Variants in GPC6 observed in about 807,000 individuals in gnomAD.
GPC6 encodes the protein glypican-6.
GPC6 carries 14 observed loss-of-function variants against 55.2 expected under a neutral mutation model. The ratio of observed to expected loss-of-function variants is 0.25; its 90% CI spans 0.17 to 0.40. GPC6 has a LOEUF of 0.40. GPC6 is among the 10% of genes least tolerant of loss of function. The probability of loss-of-function intolerance (pLI) is 1.00; values close to 1 mark genes in which losing one functional copy is unlikely to be tolerated. For missense variants in GPC6, 641 were observed against 708.5 expected, an observed-to-expected ratio of 0.90 and a Z score of 1.08; for synonymous variants, 278 against 259.6, an observed-to-expected ratio of 1.07 and a Z score of -0.68.
chr13:93,289,672 T>G (rs1878256351), intron 1 of GPC6, among the ~76,000 whole-genome samples: 1 of 152,190 alleles, frequency 6.6e-6, no homozygotes, highest in Non-Finnish European at 1.5e-5. Context: ...CCTTTCAGTT[T>G]AGAGGATCAA....
intron 1 of GPC6, among the ~76,000 whole-genome samples, chr13:93,402,851 A>G (rs1876141261): frequency 6.6e-6 from 1 of 152,088 alleles, no homozygotes; most frequent in East Asian, 1.9e-4. Flanking sequence ...TAACTTGATC[A>G]CTTCCTGTTT....
chr13:93,473,615 G>T (rs1879204431), intron 1 of GPC6, among the ~76,000 whole-genome samples: 1 of 152,202 alleles, frequency 6.6e-6, no homozygotes, highest in African/African-American at 2.4e-5. Flanking sequence ...AGCACCAGTT[G>T]TGCCTCCTCA....
intron 2 of GPC6, among the ~76,000 whole-genome samples, chr13:93,721,420 AG>A (rs1883451262): frequency 6.6e-6 from 1 of 151,778 alleles, no homozygotes. Context: ...AACTAAGAGA[AG>A]GGATGAATTG....
rs922379448 is a variant in GPC6, at chr13:94,406,045, A to G, written c.*2828A>G. 1 of 151,990 alleles carries G rather than the reference A, an allele frequency of 6.6e-6. No homozygotes were observed. The highest frequency in any genetic ancestry group is 2.4e-5 in the African/African-American group (1 of 41,384). The allele number at this position is 151,990 out of a possible 1,614,324, so 9.4% of individuals were successfully genotyped here. On this transcript the variant is annotated 3_prime_UTR_variant, in exon 9 of 9. Transcript: ENST00000377047. The stretch of plus-strand genomic sequence containing the variant: ...CATTATTTTTTATGACCTGCCCCTC[A>G]TTTGCTCTGATGTTCCCTAAATTCT...
intron 1 of GPC6, among the ~76,000 whole-genome samples, chr13:93,490,622 A>G (rs1879952109): frequency 8.1e-6 from 1 of 123,508 alleles, no homozygotes. Flanking sequence ...GCACCCACTA[A>G]CTCGTCATCT....
intron 1 of GPC6, among the ~76,000 whole-genome samples, chr13:93,255,038 C>T (rs1386518632): frequency 4.6e-5 from 7 of 152,322 alleles, no homozygotes; most frequent in Middle Eastern, 3.4e-3. Flanking sequence ...GCCTGTGCCT[C>T]GCCAGTTCTG....
intron 2 of GPC6, among the ~76,000 whole-genome samples, chr13:93,716,758 A>G (rs2138816583): frequency 6.6e-6 from 1 of 151,804 alleles, no homozygotes; most frequent in African/African-American, 2.4e-5. Flanking sequence ...AGTAGTGTAC[A>G]GTAATGTCCT....
rs1017968434 is a variant in GPC6 at position 93,882,537 on chromosome 13, C to G, written c.711+51992C>G. Among the ~76,000 whole-genome samples the G allele has an allele frequency of 9.2e-5, 14 of 152,046 alleles. 1 individual carries two copies. The highest frequency in any genetic ancestry group is 3.4e-4 in the African/African-American group (14 of 41,494). ...TTAGATTTGTATGTTAGACTCTGTT[C>G]TAGTCTGGAATTCCTTGGTATCCTG... On this transcript the variant is annotated intron_variant, in intron 3 of 8. Coordinates refer to ENST00000377047, the MANE Select transcript of GPC6 (RefSeq NM_005708.5).
Position 93,823,148 on chromosome 13 carries a change from C to T in GPC6, c.320-7006C>T, listed in dbSNP as rs187004006. ...AAAGTGCTGGGATTACAGGCATGAG[C>T]CACCATGCCTGGCCGAAAATTACTT... On this transcript the variant is annotated intron_variant, in intron 2 of 8. Coordinates refer to ENST00000377047, the MANE Select transcript of GPC6 (RefSeq NM_005708.5). Among the ~76,000 whole-genome samples, 439 of 152,020 alleles carry T rather than the reference C, an allele frequency of 2.9e-3. 2 individuals are homozygous for T. The highest frequency in any genetic ancestry group is 5.1e-3 in the Non-Finnish European group (346 of 67,954).
At chr13:93,681,396 A>G (rs564584394) in intron 2 of GPC6, among the ~76,000 whole-genome samples, 3 of 152,284 alleles carry the variant, frequency 2.0e-5, no homozygotes, top group Non-Finnish European at 2.9e-5. Flanking sequence ...CTGATATGCA[A>G]TTTAATTGTA....
chr13:93,698,389 C>CTA (rs1882536628), intron 2 of GPC6, among the ~76,000 whole-genome samples: 1 of 149,718 alleles, frequency 6.7e-6, no homozygotes, highest in Non-Finnish European at 1.5e-5. Context: ...ATTCTACGCT[C>CTA]TATGCCTTTT....
At chr13:93,388,224 T>C (rs1875479502) in intron 1 of GPC6, among the ~76,000 whole-genome samples, 1 of 152,160 alleles carries the variant, frequency 6.6e-6, no homozygotes, top group Non-Finnish European at 1.5e-5. Flanking sequence ...GCCTAATGAT[T>C]CTCTTTAAGG....
At chr13:93,790,184 A>G (rs1489427569) in intron 2 of GPC6, among the ~76,000 whole-genome samples, 1 of 152,188 alleles carries the variant, frequency 6.6e-6, no homozygotes, top group Non-Finnish European at 1.5e-5. Flanking sequence ...AATTATGCCC[A>G]GTTAGAAGTC....
chr13:94,031,064 ATGTGCGTGTGCGTGTGCGTGTGTG>A (rs1241098064), intron 4 of GPC6, among the ~76,000 whole-genome samples: 1 of 148,224 alleles, frequency 6.7e-6, no homozygotes, highest in African/African-American at 2.6e-5. Flanking sequence ...GTGCGTGTGC[ATGTGCGTGTGCGTGTGCGTGTGTG>A]TGTGCGTGTG....
intron 3 of GPC6, among the ~76,000 whole-genome samples, chr13:93,961,143 G>A (rs1450511216): frequency 1.3e-5 from 2 of 152,010 alleles, no homozygotes; most frequent in Admixed American, 1.3e-4. Context: ...CTTCCCAACT[G>A]GTTGGTTGTT....
chr13:93,365,573 G>A (rs1193269403), intron 1 of GPC6, among the ~76,000 whole-genome samples: 10 of 151,982 alleles, frequency 6.6e-5, no homozygotes, highest in Admixed American at 2.6e-4. Flanking sequence ...TGAAACTCAG[G>A]TCCAGAGTAG....
At chr13:93,725,798 A>C (rs1175065964) in intron 2 of GPC6, among the ~76,000 whole-genome samples, 1 of 152,114 alleles carries the variant, frequency 6.6e-6, no homozygotes, top group Non-Finnish European at 1.5e-5. Flanking sequence ...CAAAAATAAA[A>C]AGAAGAAAAT....
At chr13:94,016,375 G>A (rs1345812484) in intron 3 of GPC6, among the ~76,000 whole-genome samples, 6 of 152,126 alleles carry the variant, frequency 3.9e-5, no homozygotes, top group African/African-American at 7.2e-5. Context: ...GACAGGAGAC[G>A]GAGCTCACAC....
At chr13:93,997,865 A>C (rs1881628327) in intron 3 of GPC6, among the ~76,000 whole-genome samples, 1 of 152,204 alleles carries the variant, frequency 6.6e-6, no homozygotes, top group Admixed American at 6.5e-5. Flanking sequence ...AGTTAAACGT[A>C]AGGGAAAATC....
Sources: allele counts gnomAD v4.1 joint callset (sites outside exome capture counted in the v4.1 genomes callset), GRCh38; gene constraint gnomAD v4.1.1; transcripts MANE v1.5; gene names NCBI Gene and HGNC (gene_info 2026-07-23, HGNC 2026-07-21).